KCNJ15: variants seen among roughly 807,000 people sequenced by gnomAD.
KCNJ15 encodes ATP-sensitive inward rectifier potassium channel 15.
Under a neutral mutation model 23.0 loss-of-function variants are expected in KCNJ15, and 14 were observed. The ratio of observed to expected loss-of-function variants is 0.61; its 90% CI spans 0.40 to 0.95. The LOEUF (loss-of-function observed/expected upper bound fraction) is 0.95, where lower values mean the gene tolerates loss of function less well. Ranked by LOEUF, KCNJ15 falls within the 40% of genes least tolerant of loss-of-function variation. The probability of loss-of-function intolerance (pLI) is 0.00; values close to 1 mark genes in which losing one functional copy is unlikely to be tolerated. For synonymous variants in KCNJ15, 185 were observed against 183.2 expected, an observed-to-expected ratio of 1.01 and a Z score of -0.08; for missense variants, 388 against 461.8, an observed-to-expected ratio of 0.84 and a Z score of 1.46.
rs1038600670 is a variant in KCNJ15 at position 38,302,695 on chromosome 21, T to A, written c.*2306T>A. 6.6e-6 allele frequency: 1 copy of A among 152,228 alleles called. No individual in the cohort carries two copies. The highest frequency in any genetic ancestry group is 6.5e-5 in the Admixed American group (1 of 15,282). 9.4% of individuals were successfully genotyped at this position (152,228 alleles called of 1,614,324 possible). A position where few individuals can be genotyped will look rare whatever the true frequency, so the allele number is the denominator to read the frequency against. On this transcript the variant is annotated 3_prime_UTR_variant, in exon 3 of 3. Coordinates refer to ENST00000398938, the MANE Select transcript of KCNJ15 (RefSeq NM_170736.3). ...GCACTATTAAATTCTTTTCACAGTA[T>A]TCATATCAATGCTAATTTGAATGTG...
At chr21:38,260,742 G>C (rs1980799186) in intron 1 of KCNJ15, among the ~76,000 whole-genome samples, 1 of 152,188 alleles carries the variant, frequency 6.6e-6, no homozygotes, top group African/African-American at 2.4e-5. Context: ...TGAGTGGAAG[G>C]TCATGTCTGC....
intron 1 of KCNJ15, among the ~76,000 whole-genome samples, chr21:38,293,298 G>A (rs776902781): frequency 1.3e-5 from 2 of 152,068 alleles, no homozygotes; most frequent in African/African-American, 2.4e-5. Flanking sequence ...TGATGATCCC[G>A]ACACCTCTCT....
At chr21:38,244,136 G>C (rs1480294587) in intron 1 of KCNJ15, among the ~76,000 whole-genome samples, 3 of 150,628 alleles carry the variant, frequency 2.0e-5, no homozygotes. Flanking sequence ...TTTTGTCTTT[G>C]TGACTATCTT....
chr21:38,258,323 A>G (rs980170787), intron 1 of KCNJ15, among the ~76,000 whole-genome samples: 1 of 152,252 alleles, frequency 6.6e-6, no homozygotes, highest in African/African-American at 2.4e-5. Context: ...ACATTTTTAA[A>G]TATCATCATT....
At chr21:38,270,943 G>A (rs1982011537) in intron 1 of KCNJ15, among the ~76,000 whole-genome samples, 1 of 152,208 alleles carries the variant, frequency 6.6e-6, no homozygotes, top group Non-Finnish European at 1.5e-5. Context: ...TTCATATGCA[G>A]CAGATAGGCA....
rs2146356724 is a variant in KCNJ15, at chr21:38,300,732, C to T, written c.*343C>T. The stretch of plus-strand genomic sequence containing the variant: ...CATTAAAAGGAAATGTATTTCTATA[C>T]AAGATTATTAGCTGTAATACAAGAT... On this transcript the variant is annotated 3_prime_UTR_variant, in exon 3 of 3. Transcript: ENST00000398938. 1 of 217,522 alleles carries T rather than the reference C, an allele frequency of 4.6e-6. No individual in the cohort carries two copies. Among genetic ancestry groups the T allele is most frequent in the Non-Finnish European group, 1.0e-5 (1 of 100,496 alleles). 13.5% of individuals were successfully genotyped at this position (217,522 alleles called of 1,614,324 possible). A position where few individuals can be genotyped will look rare whatever the true frequency, so the allele number is the denominator to read the frequency against.
intron 1 of KCNJ15, among the ~76,000 whole-genome samples, chr21:38,232,312 T>C (rs1978332580): frequency 6.6e-6 from 1 of 151,832 alleles, no homozygotes; most frequent in Non-Finnish European, 1.5e-5. Flanking sequence ...TAATTCTCGA[T>C]TTTAATAATT....
chr21:38,277,873 C>G (rs1431238502), intron 1 of KCNJ15, among the ~76,000 whole-genome samples: 1 of 152,078 alleles, frequency 6.6e-6, no homozygotes, highest in Non-Finnish European at 1.5e-5. Flanking sequence ...CGGATTAAGT[C>G]ATTGACTCAT....
intron 1 of KCNJ15, among the ~76,000 whole-genome samples, chr21:38,276,472 A>G (rs941494035): frequency 6.6e-6 from 1 of 152,136 alleles, no homozygotes; most frequent in African/African-American, 2.4e-5. Context: ...TTTATTTAAA[A>G]TGGTAATAGG....
chr21:38,241,703 A>G (rs1055934683), intron 1 of KCNJ15, among the ~76,000 whole-genome samples: 1 of 152,228 alleles, frequency 6.6e-6, no homozygotes, highest in Non-Finnish European at 1.5e-5. Flanking sequence ...ATGGAGGCTC[A>G]TGCCTGTAAT....
Position 38,300,421 on chromosome 21 carries a change from A to G in KCNJ15, c.*32A>G. Reference sequence around the variant, plus strand: ...GGGCGCCATCCAGGTTTAACCCTGCAAGCTGTTTCCACATCAGAACTCCCT... The same window carrying G: ...GGGCGCCATCCAGGTTTAACCCTGCGAGCTGTTTCCACATCAGAACTCCCT... On this transcript the variant is annotated 3_prime_UTR_variant, in exon 3 of 3. Transcript: ENST00000398938. The G allele has an allele frequency of 1.9e-6, 3 of 1,551,798 alleles. No individual in the cohort carries two copies. Among genetic ancestry groups the G allele is most frequent in the African/African-American group, 1.4e-5 (1 of 73,014 alleles).
chr21:38,298,444 T>G (rs1186043914), intron 2 of KCNJ15, among the ~76,000 whole-genome samples: 1 of 152,252 alleles, frequency 6.6e-6, no homozygotes, highest in Non-Finnish European at 1.5e-5. Flanking sequence ...TGGTAGCACT[T>G]TTCCAAGAAT....
intron 1 of KCNJ15, chr21:38,291,778 C>T (rs1345094425): frequency 6.6e-6 from 1 of 152,190 alleles, no homozygotes; most frequent in Non-Finnish European, 1.5e-5. Flanking sequence ...TTTTTATCAA[C>T]CCCTCCAGGT....
At position 38,304,852 on chromosome 21, in the gene KCNJ15, T is replaced by A. The variant is rs955823330; in HGVS notation, c.*4463T>A. 1.4e-4 allele frequency: 21 copies of A among 150,194 alleles called. No individual in the cohort carries two copies. Among genetic ancestry groups the A allele is most frequent in the African/African-American group, 5.1e-4 (21 of 41,142 alleles). The allele number at this position is 150,194 out of a possible 1,614,324, so 9.3% of individuals were successfully genotyped here. ...CACCATGCCCGGCTAATTTTGTTTT[T>A]GTGTTTTTAGTAGAGACGGGGTTTC... On this transcript the variant is annotated 3_prime_UTR_variant, in exon 3 of 3. Coordinates refer to ENST00000398938, the MANE Select transcript of KCNJ15 (RefSeq NM_170736.3).
In KCNJ15 at chr21:38,306,382, A is replaced by C. The variant is rs993842331; in HGVS notation, c.*5993A>C. On this transcript the variant is annotated 3_prime_UTR_variant, in exon 3 of 3. Transcript: ENST00000398938. ...AGTATCTATTTCCTTAAAAAAAAAA[A>C]ACCATAAGTTGTTGACTCTGAGCTA... 4.0e-5 allele frequency: 6 copies of C among 149,672 alleles called. No homozygotes were observed. Among genetic ancestry groups the C allele is most frequent in the African/African-American group, 1.3e-4 (5 of 39,544 alleles). 9.3% of individuals were successfully genotyped at this position (149,672 alleles called of 1,614,324 possible). A position where few individuals can be genotyped will look rare whatever the true frequency, so the allele number is the denominator to read the frequency against.
intron 1 of KCNJ15, among the ~76,000 whole-genome samples, chr21:38,230,202 T>C (rs966275725): frequency 1.4e-4 from 21 of 152,196 alleles, no homozygotes; most frequent in African/African-American, 4.8e-4. Flanking sequence ...ATTATCTGTC[T>C]TTTTCATTAT....
chr21:38,249,797 C>T lies in KCNJ15; in HGVS notation c.-398-7249C>T, dbSNP rs546882138. ...GCATTCTTTATCATCTCTTTTTCAGCTGGAGTCTCCATCATCTCTACGTGC... is the reference window on the plus strand; with the variant it reads ...GCATTCTTTATCATCTCTTTTTCAGTTGGAGTCTCCATCATCTCTACGTGC... On this transcript the variant is annotated intron_variant, in intron 1 of 4. Transcript: ENST00000547341. 3.3e-5 allele frequency among the ~76,000 whole-genome samples: 5 copies of T among 152,332 alleles called. No homozygotes were observed. In the East Asian group the frequency reaches 5.8e-4, roughly 18 times the overall value.
At position 38,299,115 on chromosome 21, in the gene KCNJ15, T is replaced by C; in HGVS notation, c.-18-129T>C. The C allele has an allele frequency of 2.7e-6, 2 of 741,176 alleles. No homozygotes were observed. Among genetic ancestry groups the C allele is most frequent in the South Asian group, 1.8e-5 (1 of 54,654 alleles). 45.9% of individuals were successfully genotyped at this position (741,176 alleles called of 1,614,324 possible). ...GACCACCTAAGTATAGATCAGTTAA[T>C]CTTGCCTTCAGAATTCTCCTTTCTT... On this transcript the variant is annotated intron_variant, in intron 2 of 2. Coordinates refer to ENST00000398938, the MANE Select transcript of KCNJ15 (RefSeq NM_170736.3). This position sits in a 1 kb window ranked among gnomAD's most constrained non-coding sequence, Gnocchi z 4.5.
upstream of KCNJ15, among the ~76,000 whole-genome samples, chr21:38,253,248 A>T (rs1979959151): frequency 6.6e-6 from 1 of 152,080 alleles, no homozygotes; most frequent in Non-Finnish European, 1.5e-5. Flanking sequence ...TTTTGTCTCA[A>T]CGTCTATTTC....
Sources: gnomAD v4.1 joint callset for allele counts (sites outside exome capture counted in the v4.1 genomes callset) on GRCh38, gnomAD v4.1.1 for gene constraint, Gnocchi (gnomAD v3.1) non-coding constraint, MANE v1.5 for transcripts, NCBI Gene and HGNC (gene_info 2026-07-23, HGNC 2026-07-21) for gene names.